Variants in MEIOSIN observed in about 807,000 individuals in gnomAD.
MEIOSIN encodes the protein meiosis initiator protein.
A neutral mutation model predicts 23.4 loss-of-function variants in MEIOSIN; 18 were observed. That is an observed-to-expected ratio of 0.77 (90% CI 0.53 to 1.14). The LOEUF is 1.14. Among genes scored for constraint, MEIOSIN ranks in the 50% most tolerant of loss-of-function variants. MEIOSIN has a pLI of 0.00. For missense variants in MEIOSIN, 428 were observed against 242.9 expected, an observed-to-expected ratio of 1.76 and a Z score of -5.07; for synonymous variants, 187 against 100.6, an observed-to-expected ratio of 1.86 and a Z score of -5.14.
At chr19:45,749,120 C>A (rs1016858488) in intron 4 of MEIOSIN, among the ~76,000 whole-genome samples, 1 of 151,798 alleles carries the variant, frequency 6.6e-6, no homozygotes, top group Admixed American at 6.6e-5. Flanking sequence ...CCTGTAATCC[C>A]AGCACTTTGG....
intron 1 of MEIOSIN, among the ~76,000 whole-genome samples, chr19:45,734,411 G>T (rs1028740643): frequency 3.9e-5 from 6 of 152,160 alleles, no homozygotes; most frequent in African/African-American, 1.2e-4. Flanking sequence ...TGTAATCTTA[G>T]TATTAGGATC....
Position 45,764,037 on chromosome 19 carries a change from G to C in MEIOSIN, c.1836G>C (p.Glu612Asp), listed in dbSNP as rs182720580. The C allele has an allele frequency of 6.4e-3, 2,557 of 398,668 alleles. 26 individuals carry two copies. The highest frequency in any genetic ancestry group is 7.0e-3 in the Non-Finnish European group (1,589 of 226,066). 24.7% of individuals were successfully genotyped at this position (398,668 alleles called of 1,614,324 possible). Residue 612 changes from glutamate to aspartate, a missense_variant, in exon 15 of 15, where the codon GAG becomes GAC. By Grantham distance (45) the Glu-to-Asp change is conservative. Coordinates refer to ENST00000457052, the MANE Select transcript of MEIOSIN (RefSeq NM_001310124.2). The part of the protein sequence containing the change: ...RIVKQDGSSS[E>D]AEDWETPKPF... Reference sequence around the variant, plus strand: ...TGAAGCAGGACGGCTCCAGCAGCGAGGCTGAGGACTGGGAGACGCCAAAGC... The same window carrying C: ...TGAAGCAGGACGGCTCCAGCAGCGACGCTGAGGACTGGGAGACGCCAAAGC...
chr19:45,735,724 T>C (rs1471142306), intron 2 of MEIOSIN, among the ~76,000 whole-genome samples: 1 of 152,134 alleles, frequency 6.6e-6, no homozygotes, highest in Non-Finnish European at 1.5e-5. Flanking sequence ...TTGCCCAGGC[T>C]GGAGTGCAGT....
At chr19:45,753,612 G>T in intron 5 of MEIOSIN, 39 bp from the exon 6 acceptor site, 1 of 682,462 alleles carries the variant, frequency 1.5e-6, no homozygotes, top group Non-Finnish European at 2.7e-6. Flanking sequence ...ATGCAGATGG[G>T]GTGGGGGATC....
intron 11 of MEIOSIN, 60 bp from the exon 12 acceptor site, chr19:45,761,619 G>T: frequency 2.9e-6 from 2 of 678,316 alleles, no homozygotes; most frequent in South Asian, 1.6e-5. Flanking sequence ...AAGCAGTACT[G>T]GGGGGATGAA....
At chr19:45,761,129 C>CT (rs34796716) in intron 11 of MEIOSIN, among the ~76,000 whole-genome samples, 3,128 of 138,924 alleles carry the variant, frequency 0.023, 111 homozygotes, top group African/African-American at 0.079. Context: ...AATTCAATTT[C>CT]TTTTTTTTTT....
intron 11 of MEIOSIN, among the ~76,000 whole-genome samples, chr19:45,760,094 C>T (rs759023631): frequency 2.0e-5 from 3 of 151,180 alleles, no homozygotes; most frequent in African/African-American, 4.8e-5. Flanking sequence ...AGCCACCGTG[C>T]CCAGCTTCCC....
intron 8 of MEIOSIN, among the ~76,000 whole-genome samples, chr19:45,756,416 TTTTG>T (rs147513922): frequency 8.5e-5 from 13 of 152,142 alleles, no homozygotes; most frequent in Admixed American, 5.9e-4. Context: ...AGTCCAATAT[TTTTG>T]TTTGTTTGTT....
intron 3 of MEIOSIN, among the ~76,000 whole-genome samples, chr19:45,741,349 G>GA (rs58070090): frequency 1.4e-4 from 21 of 145,512 alleles, no homozygotes; most frequent in African/African-American, 2.5e-4. Flanking sequence ...TGTCTCGGGG[G>GA]AAAAAAAAAA....
Position 45,757,113 on chromosome 19 carries a change from G to T in MEIOSIN, c.912-64G>T, listed in dbSNP as rs1968845620. 3 of 689,776 alleles carry T rather than the reference G, an allele frequency of 4.3e-6. No individual in the cohort carries two copies. The African/African-American group carries it at 5.3e-5, about 12-fold the overall frequency. The allele number at this position is 689,776 out of a possible 1,614,324, so 42.7% of individuals were successfully genotyped here. A position where few individuals can be genotyped will look rare whatever the true frequency, so the allele number is the denominator to read the frequency against. Reference sequence around the variant, plus strand: ...CAGGGGCCAGTGCAGAGTGCCAAAGGGGCCCCATAGCAGTTTCTAGCCCAG... The same window carrying T: ...CAGGGGCCAGTGCAGAGTGCCAAAGTGGCCCCATAGCAGTTTCTAGCCCAG... On this transcript the variant is annotated intron_variant, in intron 8 of 14. Coordinates refer to ENST00000457052, the MANE Select transcript of MEIOSIN (RefSeq NM_001310124.2).
chr19:45,758,718 C>T (rs191887967), intron 9 of MEIOSIN, among the ~76,000 whole-genome samples, 160 bp from the exon 10 acceptor site: 3 of 152,352 alleles, frequency 2.0e-5, no homozygotes, highest in Middle Eastern at 6.8e-3. Flanking sequence ...CGTGAGCCAT[C>T]GCAGCCGGCT....
At chr19:45,745,654 T>C (rs1418007393) in intron 4 of MEIOSIN, among the ~76,000 whole-genome samples, 4 of 152,162 alleles carry the variant, frequency 2.6e-5, no homozygotes, top group African/African-American at 4.8e-5. Flanking sequence ...ACCCAGACTT[T>C]CTTTTTTTCT....
In MEIOSIN at chr19:45,754,737, CCTCA is replaced by C. The variant is rs752530356; in HGVS notation, c.802+17_802+20del. 470 of 702,868 alleles carry C rather than the reference CCTCA, an allele frequency of 6.7e-4. 1 individual carries two copies. Among genetic ancestry groups the C allele is most frequent in the Middle Eastern group, 4.1e-3 (18 of 4,360 alleles). 43.5% of individuals were successfully genotyped at this position (702,868 alleles called of 1,614,324 possible). On this transcript the variant is annotated intron_variant, in intron 7 of 14. Coordinates refer to ENST00000457052, the MANE Select transcript of MEIOSIN (RefSeq NM_001310124.2). ...TGTGACATCTCAAGTGGGTCTCTTT[CCTCA>C]CTCTGAACTTAGTCTTTCAGTAAGA... is the stretch of plus-strand genomic sequence containing the variant.
chr19:45,736,530 T>C (rs1370548674), intron 2 of MEIOSIN, among the ~76,000 whole-genome samples: 1 of 151,728 alleles, frequency 6.6e-6, no homozygotes, highest in African/African-American at 2.4e-5. Context: ...GCTCAGCTAA[T>C]TTTTTTGTGT....
At chr19:45,742,140 TGCTGGGATTACAG>T (rs1478342801) in intron 3 of MEIOSIN, among the ~76,000 whole-genome samples, 4 of 152,086 alleles carry the variant, frequency 2.6e-5, no homozygotes, top group Non-Finnish European at 4.4e-5. Flanking sequence ...CCTCCCAAAG[TGCTGGGATTACAG>T]GCGTGAGCCA....
chr19:45,740,749 C>CAATAATAATAATAAT, intron 3 of MEIOSIN, among the ~76,000 whole-genome samples: 1 of 140,084 alleles, frequency 7.1e-6, no homozygotes, highest in East Asian at 2.1e-4. Flanking sequence ...GACTCCATCT[C>CAATAATAATAATAAT]AATAATAATA....
Position 45,739,710 on chromosome 19 carries a change from G to T in MEIOSIN, c.156G>T (p.Trp52Cys), listed in dbSNP as rs183304235. The change falls in exon 3 of 15, where the codon TGG becomes TGT. Residue 52 changes from tryptophan (W) to cysteine (C), a missense_variant. Physicochemically the swap from Trp to Cys is radical, Grantham distance 215 (BLOSUM62 -2). Coordinates refer to ENST00000457052, the MANE Select transcript of MEIOSIN (RefSeq NM_001310124.2). ...ATGGACTGAGAATGGAGGAGAAATG[G>T]TTGCTCAAAGGAAAACTGAGGTACT... Reference protein sequence around the residue: ...EPHGLRMEEKWLLKGKLRNQR... With the variant: ...EPHGLRMEEKCLLKGKLRNQR... 4 of 703,502 alleles carry T rather than the reference G, an allele frequency of 5.7e-6. No homozygotes were observed. The highest frequency in any genetic ancestry group is 1.0e-5 in the Non-Finnish European group (4 of 385,140). 43.6% of individuals were successfully genotyped at this position (703,502 alleles called of 1,614,324 possible).
At chr19:45,743,024 G>A (rs1416650246) in intron 3 of MEIOSIN, among the ~76,000 whole-genome samples, 1 of 152,166 alleles carries the variant, frequency 6.6e-6, no homozygotes, top group Non-Finnish European at 1.5e-5. Context: ...ATCCAGCAAA[G>A]AAAAGAGGCA....
At chr19:45,745,565 A>G (rs998660504) in intron 4 of MEIOSIN, among the ~76,000 whole-genome samples, 7 of 152,214 alleles carry the variant, frequency 4.6e-5, no homozygotes. Flanking sequence ...CACAAAGATC[A>G]TTGTTCCAGG....
Sources: gnomAD v4.1 joint callset for allele counts (sites outside exome capture counted in the v4.1 genomes callset) on GRCh38, gnomAD v4.1.1 for gene constraint, MANE v1.5 for transcripts, NCBI Gene and HGNC (gene_info 2026-07-23, HGNC 2026-07-21) for gene names.